SMG6: variants seen among roughly 807,000 people sequenced by gnomAD.
SMG6 encodes the protein SMG6 nonsense mediated mRNA decay factor.
In SMG6, 66 loss-of-function variants were observed where a neutral mutation model predicts 142.2. The observed-to-expected ratio is 0.46, with a 90% CI of 0.38 to 0.57. The LOEUF (loss-of-function observed/expected upper bound fraction) is 0.57, where lower values mean the gene tolerates loss of function less well. Among genes scored for constraint, SMG6 ranks in the 20% least tolerant of loss-of-function variants. SMG6 has a pLI of 0.00. For missense variants in SMG6, 1,793 were observed against 1,832.0 expected, an observed-to-expected ratio of 0.98 and a Z score of 0.39; for synonymous variants, 779 against 702.4, an observed-to-expected ratio of 1.11 and a Z score of -1.72.
At chr17:2,245,162 G>A (rs2073901386) in intron 8 of SMG6, among the ~76,000 whole-genome samples, 1 of 152,180 alleles carries the variant, frequency 6.6e-6, no homozygotes, top group Non-Finnish European at 1.5e-5. Flanking sequence ...AGGACTCTTT[G>A]ACAACCAAGA....
intron 12 of SMG6, chr17:2,173,123 T>G (rs575149549): frequency 2.1e-6 from 1 of 474,006 alleles, no homozygotes; most frequent in Non-Finnish European, 3.9e-6. Context: ...ATTTGGAGAC[T>G]CAGTTGCCTA....
chr17:2,261,308 C>T (rs753054820), intron 8 of SMG6, among the ~76,000 whole-genome samples: 17 of 127,190 alleles, frequency 1.3e-4, no homozygotes, highest in Non-Finnish European at 2.0e-4. Context: ...AGCGAGACTC[C>T]GTCTCAAAAA....
intron 10 of SMG6, among the ~76,000 whole-genome samples, chr17:2,189,133 C>T (rs902620511): frequency 2.6e-5 from 4 of 152,222 alleles, no homozygotes; most frequent in African/African-American, 9.7e-5. Context: ...ATAATAAGCA[C>T]TTAATCAGTG....
chr17:2,184,549 T>C (rs1216235462), intron 12 of SMG6, among the ~76,000 whole-genome samples: 1 of 145,316 alleles, frequency 6.9e-6, no homozygotes, highest in African/African-American at 2.6e-5. Flanking sequence ...CCCAGCTACT[T>C]GGGAGGCTGA....
intron 13 of SMG6, among the ~76,000 whole-genome samples, chr17:2,131,889 C>A (rs145401830): frequency 6.6e-6 from 1 of 152,004 alleles, no homozygotes; most frequent in Admixed American, 6.6e-5. Flanking sequence ...CTGGCCAACA[C>A]AGTAAAACCC....
intron 13 of SMG6, among the ~76,000 whole-genome samples, chr17:2,147,483 T>C (rs939122634): frequency 2.6e-5 from 4 of 152,110 alleles, no homozygotes; most frequent in African/African-American, 9.7e-5. Context: ...ACACGAGTAG[T>C]CTCAGCTACT....
At chr17:2,270,231 A>G (rs1288058192) in intron 8 of SMG6, among the ~76,000 whole-genome samples, 1 of 152,198 alleles carries the variant, frequency 6.6e-6, no homozygotes, top group Non-Finnish European at 1.5e-5. Flanking sequence ...AGGTGAATAT[A>G]CCAGTGTGTA....
At chr17:2,115,120 G>A (rs1391474891) in intron 13 of SMG6, among the ~76,000 whole-genome samples, 2 of 151,974 alleles carry the variant, frequency 1.3e-5, no homozygotes, top group South Asian at 2.1e-4. Flanking sequence ...GCAGAAGGAA[G>A]ACACAGCTGA....
At chr17:2,070,086 T>G (rs2068058790) in intron 15 of SMG6, among the ~76,000 whole-genome samples, 1 of 152,174 alleles carries the variant, frequency 6.6e-6, no homozygotes. Context: ...CTAGCACCTC[T>G]CACCAAGCAC....
At chr17:2,230,691 G>T (rs774161901) in intron 10 of SMG6, among the ~76,000 whole-genome samples, 1 of 152,138 alleles carries the variant, frequency 6.6e-6, no homozygotes, top group Non-Finnish European at 1.5e-5. Context: ...AGAGAGTGCC[G>T]AGAGCAGTCT....
At chr17:2,230,149 G>GCA (rs1382009080) in intron 10 of SMG6, among the ~76,000 whole-genome samples, 25 of 120,218 alleles carry the variant, frequency 2.1e-4, no homozygotes, top group African/African-American at 8.0e-4. Flanking sequence ...TCGTGCCACT[G>GCA]CACTCCAGCC....
Position 2,283,665 on chromosome 17 carries a change from T to C in SMG6, c.2408A>G (p.Lys803Arg), listed in dbSNP as rs1164576496. The C allele has an allele frequency of 2.5e-6, 4 of 1,614,200 alleles. No individual in the cohort carries two copies. Among genetic ancestry groups the C allele is most frequent in the Non-Finnish European group, 3.4e-6 (4 of 1,180,044 alleles). ...TTCAAACAAGCTCATGAGACTCTCC[T>C]TGGCAGTCAGGATAGGGTTGCTGGC... ...LAASNPILTA[K>R]ESLMSLFEET... The change falls in exon 7 of 19, where the codon AAG (lysine) becomes AGG (arginine). Residue 803 changes from lysine to arginine, a missense_variant. Physicochemically the swap from Lys to Arg is conservative, Grantham distance 26. Coordinates refer to ENST00000263073, the MANE Select transcript of SMG6 (RefSeq NM_017575.5).
intron 8 of SMG6, among the ~76,000 whole-genome samples, chr17:2,254,672 G>C (rs537955596): frequency 6.6e-6 from 1 of 152,114 alleles, no homozygotes; most frequent in East Asian, 1.9e-4. Flanking sequence ...TTGACACAGC[G>C]TAAGAGGGAT....
At chr17:2,269,867 A>G (rs2074508519) in intron 8 of SMG6, among the ~76,000 whole-genome samples, 1 of 152,174 alleles carries the variant, frequency 6.6e-6, no homozygotes, top group African/African-American at 2.4e-5. Flanking sequence ...AATATCTGAT[A>G]AAAGTAGGAC....
intron 8 of SMG6, among the ~76,000 whole-genome samples, chr17:2,272,498 A>T (rs1213021980): frequency 6.6e-6 from 1 of 152,048 alleles, no homozygotes; most frequent in Non-Finnish European, 1.5e-5. Context: ...CTTACTTGTA[A>T]CCCCCAAATC....
At chr17:2,287,789 CCAGTCA>C (rs2074940344) in intron 6 of SMG6, among the ~76,000 whole-genome samples, 1 of 152,156 alleles carries the variant, frequency 6.6e-6, no homozygotes, top group Admixed American at 6.5e-5. Flanking sequence ...GTGAAATAAG[CCAGTCA>C]CAAGAGGACA....
rs1347272593 is a variant in SMG6, at chr17:2,222,565, G to T, written c.2869+13927C>A. Among the ~76,000 whole-genome samples, 3 of 48,658 alleles carry T rather than the reference G, an allele frequency of 6.2e-5. 1 individual carries two copies. Among genetic ancestry groups the T allele is most frequent in the Non-Finnish European group, 1.4e-4 (3 of 20,772 alleles). 31.9% of individuals were successfully genotyped at this position (48,658 alleles called of 152,430 possible). On this transcript the variant is annotated intron_variant, in intron 10 of 18. Transcript: ENST00000263073. ...ATGCGGGGGCGGGGGGGGGGGGGGG[G>T]GGCAGGAGAAGAGGTCCATATATGA...
At position 2,162,407 on chromosome 17, in the gene SMG6, G is replaced by A. The variant is rs999356013; in HGVS notation, c.3357+10251C>T. ...TGGGCGCCTATAGTCCCAGCTACTCGGGAGGCTGAGGCAGGAGAATGGTGT... is the reference window on the plus strand; with the variant it reads ...TGGGCGCCTATAGTCCCAGCTACTCAGGAGGCTGAGGCAGGAGAATGGTGT... On this transcript the variant is annotated intron_variant, in intron 13 of 18. Transcript: ENST00000263073. Among the ~76,000 whole-genome samples, 4 of 151,554 alleles carry A rather than the reference G, an allele frequency of 2.6e-5. No individual in the cohort carries two copies. In the South Asian group the frequency reaches 6.3e-4, roughly 24 times the overall value.
intron 13 of SMG6, among the ~76,000 whole-genome samples, chr17:2,159,180 G>A (rs2151620319): frequency 6.6e-6 from 1 of 152,250 alleles, no homozygotes; most frequent in South Asian, 2.1e-4. Context: ...CAGCACTTTG[G>A]GAGGCCGAGG....
Sources: gnomAD v4.1 joint callset for allele counts (sites outside exome capture counted in the v4.1 genomes callset) on GRCh38, gnomAD v4.1.1 for gene constraint, MANE v1.5 for transcripts, NCBI Gene and HGNC (gene_info 2026-07-23, HGNC 2026-07-21) for gene names.